PACRG: variants seen among roughly 807,000 people sequenced by gnomAD.
The protein encoded by PACRG is parkin coregulated gene protein.
In PACRG, 29 loss-of-function variants were observed where a neutral mutation model predicts 29.7. The observed-to-expected ratio is 0.98, with a 90% CI of 0.73 to 1.33. PACRG has a LOEUF of 1.33. Among genes scored for constraint, PACRG ranks in the 40% most tolerant of loss-of-function variants. PACRG has a pLI of 0.00. For synonymous variants in PACRG, 116 were observed against 118.7 expected (o/e 0.98, Z 0.15); for missense variants, 279 against 316.2 (o/e 0.88, Z 0.89).
intron 1 of PACRG, among the ~76,000 whole-genome samples, chr6:162,733,707 T>C (rs1209718556): frequency 6.6e-6 from 1 of 152,198 alleles, no homozygotes; most frequent in Non-Finnish European, 1.5e-5. Context: ...ACTCAGTTAG[T>C]GCCACGCCTT....
chr6:163,076,939 C>T (rs1187823957), intron 3 of PACRG, among the ~76,000 whole-genome samples: 1 of 152,190 alleles, frequency 6.6e-6, no homozygotes, highest in Middle Eastern at 3.2e-3. Context: ...TACATCCCCA[C>T]AGCATCTAAT....
At chr6:162,739,871 A>G (rs953290882) in intron 1 of PACRG, among the ~76,000 whole-genome samples, 28 of 148,776 alleles carry the variant, frequency 1.9e-4, no homozygotes, top group Non-Finnish European at 3.6e-4. Context: ...AAAATTGCCT[A>G]GTTTCAAAAG....
chr6:163,019,068 TA>T lies in PACRG; in HGVS notation c.292-43076del, dbSNP rs563398168. ...TATGTTTTTAATGTCTTCTATCATT[TA>T]AAAAATATGTGATCTTGTTTTGAAG... On this transcript the variant is annotated intron_variant, in intron 2 of 4. Coordinates refer to ENST00000366888, the MANE Select transcript of PACRG (RefSeq NM_001080379.2). Among the ~76,000 whole-genome samples the T allele has an allele frequency of 1.0e-3, 158 of 152,340 alleles. 1 individual carries two copies. The highest frequency in any genetic ancestry group is 3.6e-3 in the African/African-American group (151 of 41,572).
At chr6:163,068,287 G>A (rs1811729683) in intron 3 of PACRG, among the ~76,000 whole-genome samples, 1 of 152,106 alleles carries the variant, frequency 6.6e-6, no homozygotes, top group Non-Finnish European at 1.5e-5. Context: ...TTATGAGTTT[G>A]CTTTGTTGAA....
intron 4 of PACRG, among the ~76,000 whole-genome samples, chr6:163,160,625 G>A (rs6901770): frequency 0.013 from 2,027 of 152,212 alleles, 49 homozygotes; most frequent in African/African-American, 0.046. Flanking sequence ...GAATTGCTGC[G>A]TGGACAATAT....
At chr6:162,947,523 CAT>C (rs1213125677) in intron 2 of PACRG, among the ~76,000 whole-genome samples, 7 of 91,602 alleles carry the variant, frequency 7.6e-5, no homozygotes, top group East Asian at 6.0e-4. Flanking sequence ...TATATATAAT[CAT>C]ATATATACTC....
chr6:162,747,554 A>G (rs1781180200), intron 1 of PACRG, among the ~76,000 whole-genome samples: 2 of 143,212 alleles, frequency 1.4e-5, no homozygotes, highest in East Asian at 2.1e-4. Context: ...AAAAGCATGT[A>G]TCAGCACCAG....
chr6:163,084,673 A>T (rs1813383463), intron 3 of PACRG, among the ~76,000 whole-genome samples: 1 of 152,042 alleles, frequency 6.6e-6, no homozygotes, highest in African/African-American at 2.4e-5. Flanking sequence ...ATGTTAATTC[A>T]GGCAAGGTTT....
intron 4 of PACRG, among the ~76,000 whole-genome samples, chr6:163,111,224 C>T (rs1815696529): frequency 6.6e-6 from 1 of 152,182 alleles, no homozygotes; most frequent in Non-Finnish European, 1.5e-5. Flanking sequence ...TAGTTAATCC[C>T]AATTGCCTGG....
intron 2 of PACRG, among the ~76,000 whole-genome samples, chr6:162,892,930 C>T (rs1794878140): frequency 6.7e-6 from 1 of 150,000 alleles, no homozygotes; most frequent in Admixed American, 6.6e-5. Context: ...TCAGGAGCCT[C>T]GGCCCACACC....
chr6:163,037,773 G>A (rs2128234627), intron 2 of PACRG, among the ~76,000 whole-genome samples: 1 of 152,282 alleles, frequency 6.6e-6, no homozygotes, highest in Middle Eastern at 3.4e-3. Context: ...CCCTGGAGGG[G>A]AGGGTCTGGG....
At chr6:163,188,228 C>T (rs568114350) in intron 4 of PACRG, among the ~76,000 whole-genome samples, 1 of 152,188 alleles carries the variant, frequency 6.6e-6, no homozygotes, top group Non-Finnish European at 1.5e-5. Context: ...AAAGCTCTCC[C>T]AAGTCACTCT....
At position 163,089,262 on chromosome 6, in the gene PACRG, C is replaced by A. The variant is rs1287178724; in HGVS notation, c.467C>A (p.Ala156Asp). ...TGGTCCTTCTTTTACCATATAGATG[C>A]CTTGAACCTCCGAAACCGACAGGTC... is the stretch of plus-strand genomic sequence containing the variant. ...LPQLIIPIKN[A>D]LNLRNRQVIC... Residue 156 changes from alanine (A) to aspartate (D), a missense_variant, in exon 4 of 5, where the codon GCC becomes GAC. Physicochemically the swap from Ala to Asp is moderately radical, Grantham distance 126. Coordinates refer to ENST00000366888, the MANE Select transcript of PACRG (RefSeq NM_001080379.2). 6.2e-7 allele frequency: 1 copy of A among 1,613,490 alleles called. No homozygotes were observed. The highest frequency in any genetic ancestry group is 8.5e-7 in the Non-Finnish European group (1 of 1,179,636).
Position 162,760,564 on chromosome 6 carries a change from G to A in PACRG, c.156+32173G>A, listed in dbSNP as rs986235369. Among the ~76,000 whole-genome samples the A allele has an allele frequency of 3.9e-5, 6 of 152,264 alleles. No individual in the cohort carries two copies. The East Asian group carries it at 7.7e-4, about 20-fold the overall frequency. On this transcript the variant is annotated intron_variant, in intron 1 of 4. Coordinates refer to ENST00000366888, the MANE Select transcript of PACRG (RefSeq NM_001080379.2). ...TAGGCGCTTATGTTTTATGTGTCAGGCAAAGCCGATGGGGGTGTGTGATGG... is the reference window on the plus strand; with the variant it reads ...TAGGCGCTTATGTTTTATGTGTCAGACAAAGCCGATGGGGGTGTGTGATGG...
At chr6:162,934,547 A>G (rs1798098759) in intron 2 of PACRG, among the ~76,000 whole-genome samples, 1 of 152,182 alleles carries the variant, frequency 6.6e-6, no homozygotes, top group South Asian at 2.1e-4. Context: ...TTTATTTATC[A>G]TGTAGCCAGT....
chr6:162,814,042 A>G, intron 1 of PACRG, 105 bp from the exon 2 acceptor site: 1 of 1,225,420 alleles, frequency 8.2e-7, no homozygotes, highest in South Asian at 1.9e-5. Context: ...TTATCTTCCA[A>G]CATATTTATA....
At chr6:163,306,519 T>G (rs559494985) in intron 4 of PACRG, among the ~76,000 whole-genome samples, 1 of 152,306 alleles carries the variant, frequency 6.6e-6, no homozygotes, top group East Asian at 1.9e-4. Context: ...TGTCAATTGG[T>G]ATGTAAAAAA....
chr6:162,967,296 G>A (rs1037777683), intron 2 of PACRG, among the ~76,000 whole-genome samples: 8 of 151,656 alleles, frequency 5.3e-5, no homozygotes, highest in African/African-American at 1.2e-4. Context: ...TCTGTGATAC[G>A]TCAGATTTCT....
intron 2 of PACRG, among the ~76,000 whole-genome samples, chr6:162,951,533 T>C (rs938765097): frequency 2.0e-5 from 3 of 152,278 alleles, no homozygotes; most frequent in East Asian, 1.9e-4. Context: ...TTTGGCTTCA[T>C]TGTAGAAAGG....
Sources: gnomAD v4.1 joint callset for allele counts (sites outside exome capture counted in the v4.1 genomes callset) on GRCh38, gnomAD v4.1.1 for gene constraint, MANE v1.5 for transcripts, NCBI Gene and HGNC (gene_info 2026-07-23, HGNC 2026-07-21) for gene names.